The following DNMT3A variants were observed in gnomAD, a reference collection of about 807,000 sequenced individuals.
DNMT3A encodes the protein DNA (cytosine-5)-methyltransferase 3A.
DNMT3A carries 267 observed loss-of-function variants against 117.6 expected under a neutral mutation model. The observed-to-expected ratio is 2.27, with a 90% CI of 2.05 to 2.51. DNMT3A has a LOEUF of 2.51. DNMT3A is among the 30% of genes most tolerant of loss of function. The probability of loss-of-function intolerance (pLI) is 0.00; values close to 1 mark genes in which losing one functional copy is unlikely to be tolerated. For missense variants in DNMT3A, 1,029 were observed against 1,260.2 expected (o/e 0.82, Z 2.78); for synonymous variants, 432 against 474.8 (o/e 0.91, Z 1.17).
At chr2:25,302,112 T>A (rs1490551144) in intron 2 of DNMT3A, among the ~76,000 whole-genome samples, 2 of 151,924 alleles carry the variant, frequency 1.3e-5, no homozygotes, top group African/African-American at 2.4e-5. Context: ...GACATGCACA[T>A]GGAGGGTGAA....
At position 25,247,350 on chromosome 2, in the gene DNMT3A, TG is replaced by T; in HGVS notation, c.1015-193del. On this transcript the variant is annotated intron_variant, in intron 8 of 22. Coordinates refer to ENST00000321117, the MANE Select transcript of DNMT3A (RefSeq NM_022552.5). This position sits in a 1 kb window ranked among gnomAD's most constrained non-coding sequence, Gnocchi z 5.6. The stretch of plus-strand genomic sequence containing the variant: ...GAGTAGGGAAGTACCTGAGTGCAGG[TG>T]GAAAGGAATTCTAGTGAATAGGTTC... The T allele has an allele frequency of 1.3e-6, 1 of 781,380 alleles. No individual in the cohort carries two copies. The highest frequency in any genetic ancestry group is 2.0e-6 in the Non-Finnish European group (1 of 495,556). The allele number at this position is 781,380 out of a possible 1,614,324, so 48.4% of individuals were successfully genotyped here.
At chr2:25,308,997 A>ACG (rs1553430161) in intron 2 of DNMT3A, among the ~76,000 whole-genome samples, 3 of 151,850 alleles carry the variant, frequency 2.0e-5, no homozygotes, top group Non-Finnish European at 2.9e-5. Flanking sequence ...ACACACACAC[A>ACG]CACGCACGCA....
rs2033209302 is a variant in DNMT3A, at chr2:25,298,199, C to T, written c.177+1940G>A. ...GTCAGTGGTGGAGCCAGAATTTGAACTCAGGTCTCTTGGACCCCAAAGACA... is the reference window on the plus strand; with the variant it reads ...GTCAGTGGTGGAGCCAGAATTTGAATTCAGGTCTCTTGGACCCCAAAGACA... On this transcript the variant is annotated intron_variant, in intron 3 of 22. Transcript: ENST00000321117. This position sits in a 1 kb window ranked among gnomAD's most constrained non-coding sequence, Gnocchi z 4.3. Among the ~76,000 whole-genome samples, 1 of 152,206 alleles carries T rather than the reference C, an allele frequency of 6.6e-6. No homozygotes were observed.
intron 17 of DNMT3A, 73 bp from the exon 18 acceptor site, chr2:25,240,803 CTG>C (rs1314368481): frequency 6.7e-7 from 1 of 1,493,694 alleles, no homozygotes; most frequent in African/African-American, 1.4e-5. Flanking sequence ...GAGAAATTAT[CTG>C]TGAACTTGGC....
rs767063207 is a variant in DNMT3A, at chr2:25,247,551, C to CT, written c.1014+39dup. On this transcript the variant is annotated intron_variant, in intron 8 of 22. Coordinates refer to ENST00000321117, the MANE Select transcript of DNMT3A (RefSeq NM_022552.5). This position sits in a 1 kb window ranked among gnomAD's most constrained non-coding sequence, Gnocchi z 5.6. ...AACCACAGGCCCTGGGATCAAGAAC[C>CT]TTCCCCCACCCCAGGCTACTGCCAA... The CT allele has an allele frequency of 4.0e-5, 64 of 1,602,306 alleles. No individual in the cohort carries two copies. The African/African-American group carries it at 8.0e-4, about 20-fold the overall frequency.
intron 4 of DNMT3A, among the ~76,000 whole-genome samples, chr2:25,276,241 C>A (rs768670919): frequency 2.3e-4 from 35 of 152,280 alleles, no homozygotes; most frequent in African/African-American, 4.8e-4. Context: ...ATGCTCAGGC[C>A]CCTGAGCTCA....
At chr2:25,248,323 G>T in intron 6 of DNMT3A, 71 bp from the exon 7 acceptor site, 3 of 1,527,026 alleles carry the variant, frequency 2.0e-6, no homozygotes, top group Non-Finnish European at 2.7e-6. Flanking sequence ...ACACTCAAGG[G>T]GACCATGTTT....
intron 6 of DNMT3A, among the ~76,000 whole-genome samples, chr2:25,261,361 C>T (rs1173577176): frequency 6.6e-6 from 1 of 151,034 alleles, no homozygotes; most frequent in Non-Finnish European, 1.5e-5. Flanking sequence ...ATCACTTGAA[C>T]CCGGGAGGCA....
chr2:25,300,601 ATAT>A (rs1288238279), intron 2 of DNMT3A, among the ~76,000 whole-genome samples: 2 of 9,492 alleles, frequency 2.1e-4, no homozygotes, highest in Non-Finnish European at 7.2e-4. Flanking sequence ...ACCCATATAT[ATAT>A]CTAAATAATA....
intron 2 of DNMT3A, among the ~76,000 whole-genome samples, chr2:25,308,608 C>G (rs1272577235): frequency 6.6e-6 from 1 of 151,948 alleles, no homozygotes; most frequent in African/African-American, 2.4e-5. Flanking sequence ...CTGGCTGGGT[C>G]TCTGAAGAGG....
In DNMT3A at chr2:25,232,244, TCCC is replaced by T. The variant is rs1355070828; in HGVS notation, c.*2032_*2034del. ...CAGTCCCAGGAGGTGCCATCCCCCC[TCCC>T]ATTATAAAATATATATCTCTATATG... On this transcript the variant is annotated 3_prime_UTR_variant, in exon 23 of 23. Coordinates refer to ENST00000321117, the MANE Select transcript of DNMT3A (RefSeq NM_022552.5). This position sits in a 1 kb window ranked among gnomAD's most constrained non-coding sequence, Gnocchi z 4.1. 6.6e-6 allele frequency: 1 copy of T among 151,806 alleles called. No homozygotes were observed. Among genetic ancestry groups the T allele is most frequent in the Non-Finnish European group, 1.5e-5 (1 of 67,964 alleles). 9.4% of individuals were successfully genotyped at this position (151,806 alleles called of 1,614,324 possible).
chr2:25,251,667 C>G (rs551805546), intron 6 of DNMT3A, among the ~76,000 whole-genome samples: 1 of 152,338 alleles, frequency 6.6e-6, no homozygotes, highest in South Asian at 2.1e-4. Context: ...AGGGTCGCAC[C>G]GTGCTCTCCC....
rs1028376753 is a variant in DNMT3A, at chr2:25,257,871, A to G, written c.640-9619T>C. Among the ~76,000 whole-genome samples the G allele has an allele frequency of 3.9e-5, 6 of 152,202 alleles. No homozygotes were observed. The highest frequency in any genetic ancestry group is 3.3e-4 in the Admixed American group (5 of 15,286). On this transcript the variant is annotated intron_variant, in intron 6 of 22. Transcript: ENST00000321117. This position sits in a 1 kb window ranked among gnomAD's most constrained non-coding sequence, Gnocchi z 4.8. ...GAGACCCTGGCTGTGTCTGTTACAA[A>G]TGAGAACACTGAGGCCTAGAGAGGC...
upstream of DNMT3A, chr2:25,342,534 G>C (rs2035501562): frequency 1.3e-5 from 2 of 152,696 alleles, no homozygotes; most frequent in South Asian, 4.1e-4. The surrounding 1 kb of genome is among the most constrained non-coding windows in gnomAD (Gnocchi z 5.9). Flanking sequence ...CGCAGCCCGC[G>C]GAGCCCCCGG....
chr2:25,264,683 C>T lies in DNMT3A; in HGVS notation c.639+10258G>A, dbSNP rs375319210. Among the ~76,000 whole-genome samples the T allele has an allele frequency of 1.0e-3, 158 of 151,010 alleles. 5 individuals are homozygous for T. The South Asian group carries it at 0.024, about 23-fold the overall frequency. On this transcript the variant is annotated intron_variant, in intron 6 of 22. Coordinates refer to ENST00000321117, the MANE Select transcript of DNMT3A (RefSeq NM_022552.5). ...TTCACCATGTTAGCCAGGATGGTCT[C>T]GATCTGCTGACCTCATGATACGCCT...
rs1401909427 is a variant in DNMT3A, at chr2:25,237,990, C to T, written c.2409-985G>A. Among the ~76,000 whole-genome samples, 3 of 152,226 alleles carry T rather than the reference C, an allele frequency of 2.0e-5. No individual in the cohort carries two copies. Among genetic ancestry groups the T allele is most frequent in the Non-Finnish European group, 2.9e-5 (2 of 68,040 alleles). Reference sequence around the variant, plus strand: ...GGGGCCTGCAGTCAAATCAGGTGCTCGACAGATGTCCCCGACTCTTTATGC... The same window carrying T: ...GGGGCCTGCAGTCAAATCAGGTGCTTGACAGATGTCCCCGACTCTTTATGC... On this transcript the variant is annotated intron_variant, in intron 20 of 22. Coordinates refer to ENST00000321117, the MANE Select transcript of DNMT3A (RefSeq NM_022552.5). This position sits in a 1 kb window ranked among gnomAD's most constrained non-coding sequence, Gnocchi z 5.4.
At chr2:25,314,795 G>C in intron 1 of DNMT3A, 1 of 781,538 alleles carries the variant, frequency 1.3e-6, no homozygotes, top group Non-Finnish European at 1.6e-6. Context: ...GAGTGAGGCT[G>C]CTCTCTCCCC....
chr2:25,272,035 G>A (rs2030950994), intron 6 of DNMT3A, among the ~76,000 whole-genome samples: 2 of 152,186 alleles, frequency 1.3e-5, no homozygotes, highest in African/African-American at 4.8e-5. Flanking sequence ...CACCCAGGCT[G>A]GAGTGCAGTG....
At chr2:25,290,978 G>A (rs1007681915) in intron 3 of DNMT3A, among the ~76,000 whole-genome samples, 3 of 152,176 alleles carry the variant, frequency 2.0e-5, no homozygotes, top group Non-Finnish European at 4.4e-5. Flanking sequence ...TCCATTCCAT[G>A]CCAACCGGGA....
Sources: allele counts gnomAD v4.1 joint callset (sites outside exome capture counted in the v4.1 genomes callset), GRCh38; gene constraint gnomAD v4.1.1; non-coding constraint Gnocchi (gnomAD v3.1); transcripts MANE v1.5; gene names NCBI Gene and HGNC (gene_info 2026-07-23, HGNC 2026-07-21).